Variants in SPOCK3 observed in about 807,000 individuals in gnomAD.
SPOCK3 encodes the protein testican-3.
Under a neutral mutation model 56.6 loss-of-function variants are expected in SPOCK3, and 30 were observed. That is an observed-to-expected ratio of 0.53 (90% CI 0.40 to 0.72). The LOEUF is 0.72. Among genes scored for constraint, SPOCK3 ranks in the 30% least tolerant of loss-of-function variants. The pLI is 0.00. For synonymous variants in SPOCK3, 196 were observed against 183.3 expected (o/e 1.07, Z -0.56); for missense variants, 527 against 530.0 (o/e 0.99, Z 0.06).
Position 166,755,946 on chromosome 4 carries a change from C to CG in SPOCK3, c.710-1218dup, listed in dbSNP as rs1199883043. On this transcript the variant is annotated intron_variant, in intron 7 of 10. Transcript: ENST00000357545. ...CTCCCAGCGTGAGCGACGCAGAAGA[C>CG]GGTGATTTCTGCATTTCCATCTGAG... 1.2e-3 allele frequency among the ~76,000 whole-genome samples: 9 copies of CG among 7,314 alleles called. 4 individuals are homozygous for CG. Among genetic ancestry groups the CG allele is most frequent in the African/African-American group, 4.1e-3 (8 of 1,970 alleles). The allele number at this position is 7,314 out of a possible 152,430, so 4.8% of individuals were successfully genotyped here.
At chr4:167,227,312 T>C (rs1736691118) in intron 2 of SPOCK3, among the ~76,000 whole-genome samples, 1 of 152,152 alleles carries the variant, frequency 6.6e-6, no homozygotes, top group Non-Finnish European at 1.5e-5. Flanking sequence ...TTATATTTTA[T>C]AAAAATTGAA....
chr4:167,167,760 T>G (rs1730115920), intron 2 of SPOCK3, among the ~76,000 whole-genome samples: 2 of 152,168 alleles, frequency 1.3e-5, no homozygotes, highest in Non-Finnish European at 2.9e-5. Context: ...TCTGTATATG[T>G]ATTAATAAAT....
At chr4:167,139,537 A>C (rs1377123747) in intron 2 of SPOCK3, among the ~76,000 whole-genome samples, 1 of 151,994 alleles carries the variant, frequency 6.6e-6, no homozygotes, top group African/African-American at 2.4e-5. Flanking sequence ...GGTAATAATT[A>C]ATAGTCAATT....
At chr4:166,997,597 G>T (rs1317657328) in intron 4 of SPOCK3, among the ~76,000 whole-genome samples, 1 of 152,124 alleles carries the variant, frequency 6.6e-6, no homozygotes, top group East Asian at 1.9e-4. Flanking sequence ...CATGTACTGA[G>T]CAGTAATTCA....
chr4:166,781,004 A>G (rs1210200532), intron 7 of SPOCK3, among the ~76,000 whole-genome samples: 5 of 152,182 alleles, frequency 3.3e-5, no homozygotes, highest in Admixed American at 3.3e-4. Context: ...CAAGAAAAAA[A>G]CCAAAGCCAA....
rs139133335 is a variant in SPOCK3 at position 166,837,213 on chromosome 4, G to T, written c.590-44924C>A. 2.7e-3 allele frequency among the ~76,000 whole-genome samples: 408 copies of T among 152,198 alleles called. 3 individuals are homozygous for T. Among genetic ancestry groups the T allele is most frequent in the African/African-American group, 9.1e-3 (379 of 41,514 alleles). ...GCTGATTTTAGGTGTGTAAGTTTTG[G>T]TTTTTTTCTTTCTGAGTAGTGTGAA... On this transcript the variant is annotated intron_variant, in intron 6 of 10. Transcript: ENST00000357545.
At chr4:166,792,393 G>A in intron 6 of SPOCK3, 104 bp from the exon 7 acceptor site, 1 of 1,246,310 alleles carries the variant, frequency 8.0e-7, no homozygotes, top group Admixed American at 2.3e-5. Flanking sequence ...ACGACTAAAA[G>A]AAAAAGGTGT....
intron 4 of SPOCK3, among the ~76,000 whole-genome samples, chr4:166,972,214 G>A (rs1009279538): frequency 7.2e-5 from 11 of 152,136 alleles, no homozygotes; most frequent in African/African-American, 2.7e-4. Flanking sequence ...CAGCGAAAGA[G>A]AAAGCCTTCA....
intron 4 of SPOCK3, among the ~76,000 whole-genome samples, chr4:166,973,896 T>A (rs148391621): frequency 0.02 from 3,089 of 152,254 alleles, 44 homozygotes; most frequent in Non-Finnish European, 0.032. Flanking sequence ...CATAAATATA[T>A]ATACACATTT....
chr4:166,921,057 C>T (rs1460994863), intron 4 of SPOCK3, among the ~76,000 whole-genome samples: 1 of 152,058 alleles, frequency 6.6e-6, no homozygotes, highest in African/African-American at 2.4e-5. Flanking sequence ...AGGAAAGTTG[C>T]AGAAAGAAGA....
intron 2 of SPOCK3, among the ~76,000 whole-genome samples, chr4:167,132,784 C>T (rs1762804285): frequency 6.7e-6 from 1 of 149,814 alleles, no homozygotes; most frequent in Non-Finnish European, 1.5e-5. Context: ...CCAATCTCTG[C>T]CTCCATCTAC....
At chr4:166,858,745 T>A (rs1299056962) in intron 6 of SPOCK3, among the ~76,000 whole-genome samples, 4 of 152,116 alleles carry the variant, frequency 2.6e-5, no homozygotes. Flanking sequence ...TCAGCTGAGG[T>A]ACTACACGAG....
In SPOCK3 at chr4:166,951,008, A is replaced by T. The variant is rs551156295; in HGVS notation, c.351-38265T>A. On this transcript the variant is annotated intron_variant, in intron 4 of 10. Transcript: ENST00000357545. The stretch of plus-strand genomic sequence containing the variant: ...GGAAGGATCCAAAATTGACACCCTA[A>T]CATCACAATTAAAAGAACTAGAAAA... Among the ~76,000 whole-genome samples the T allele has an allele frequency of 6.7e-4, 88 of 130,710 alleles. 4 individuals carry two copies. The South Asian group carries it at 8.4e-3, about 12-fold the overall frequency. 85.8% of individuals were successfully genotyped at this position (130,710 alleles called of 152,430 possible).
chr4:166,884,224 G>T (rs1451048283), intron 6 of SPOCK3, among the ~76,000 whole-genome samples: 1 of 151,954 alleles, frequency 6.6e-6, no homozygotes, highest in Non-Finnish European at 1.5e-5. Context: ...GTGGTGGCTG[G>T]CACCTGTTGT....
chr4:166,747,047 C>T (rs1308221831), intron 8 of SPOCK3, among the ~76,000 whole-genome samples: 5 of 151,346 alleles, frequency 3.3e-5, no homozygotes, highest in Admixed American at 2.0e-4. Flanking sequence ...CCAAATTCTA[C>T]CAGATGTACA....
At chr4:166,824,832 T>C (rs1745295843) in intron 6 of SPOCK3, among the ~76,000 whole-genome samples, 1 of 152,052 alleles carries the variant, frequency 6.6e-6, no homozygotes. Flanking sequence ...TTTTACGTAA[T>C]TGACTGGAGT....
intron 2 of SPOCK3, among the ~76,000 whole-genome samples, chr4:167,175,783 G>C (rs955007494): frequency 6.6e-6 from 1 of 152,166 alleles, no homozygotes; most frequent in Non-Finnish European, 1.5e-5. Flanking sequence ...TCAGAACTGT[G>C]AGAAAATAGA....
rs1391253356 is a variant in SPOCK3, at chr4:166,922,147, A to T, written c.351-9404T>A. ...ATCTAGCATCTGATCATCTGAGGTG[A>T]AACAGTTTCATACCCAAACCATCTC... On this transcript the variant is annotated intron_variant, in intron 4 of 10. Coordinates refer to ENST00000357545, the MANE Select transcript of SPOCK3 (RefSeq NM_001040159.2). Among the ~76,000 whole-genome samples, 4 of 152,130 alleles carry T rather than the reference A, an allele frequency of 2.6e-5. No individual in the cohort carries two copies. In the South Asian group the frequency reaches 8.3e-4, roughly 32 times the overall value.
intron 2 of SPOCK3, among the ~76,000 whole-genome samples, chr4:167,095,631 C>T (rs1759085381): frequency 6.6e-6 from 1 of 151,774 alleles, no homozygotes; most frequent in African/African-American, 2.4e-5. Flanking sequence ...TTACTACTCA[C>T]CCATGGACAT....
Sources: allele counts gnomAD v4.1 joint callset (sites outside exome capture counted in the v4.1 genomes callset), GRCh38; gene constraint gnomAD v4.1.1; transcripts MANE v1.5; gene names NCBI Gene and HGNC (gene_info 2026-07-23, HGNC 2026-07-21).